The following ELOVL6 variants were observed in gnomAD, a reference collection of about 807,000 sequenced individuals.
The protein encoded by ELOVL6 is ELOVL fatty acid elongase 6.
In ELOVL6, 8 loss-of-function variants were observed where a neutral mutation model predicts 31.7. The observed-to-expected ratio is 0.25, with a 90% CI of 0.15 to 0.45. The LOEUF (loss-of-function observed/expected upper bound fraction) is 0.45. Ranked by LOEUF, ELOVL6 falls within the 20% of genes least tolerant of loss-of-function variation. The probability of loss-of-function intolerance (pLI) is 1.00; values close to 1 mark genes in which losing one functional copy is unlikely to be tolerated. For missense variants in ELOVL6, 126 were observed against 326.4 expected (o/e 0.39, Z 4.73); for synonymous variants, 101 against 117.7 (o/e 0.86, Z 0.92).
At chr4:110,111,487 G>T (rs1324172619) in intron 1 of ELOVL6, among the ~76,000 whole-genome samples, 2 of 148,668 alleles carry the variant, frequency 1.3e-5, no homozygotes, top group African/African-American at 2.5e-5. Context: ...TAAACTCATT[G>T]TATTCCTTTG....
intron 1 of ELOVL6, among the ~76,000 whole-genome samples, chr4:110,163,553 A>G (rs1479245233): frequency 6.6e-6 from 1 of 152,228 alleles, no homozygotes; most frequent in African/African-American, 2.4e-5. Flanking sequence ...GACTGACCGC[A>G]TAGTGTAGCA....
rs553221782 is a variant in ELOVL6, at chr4:110,190,251, C to CT, written c.89+7995dup. Among the ~76,000 whole-genome samples the CT allele has an allele frequency of 4.6e-5, 7 of 151,260 alleles. No individual in the cohort carries two copies. The South Asian group carries it at 8.3e-4, about 18-fold the overall frequency. On this transcript the variant is annotated intron_variant, in intron 1 of 3. Transcript: ENST00000302274. Reference sequence around the variant, plus strand: ...AAGTGTAAGTCTTTTTTCTCCTGTACTTTTTTTTTGTACAAAGTAAAGACT... The same window carrying CT: ...AAGTGTAAGTCTTTTTTCTCCTGTACTTTTTTTTTTGTACAAAGTAAAGACT...
rs1185642088 is a variant in ELOVL6, at chr4:110,084,413, A to G, written c.221+21084T>C. The stretch of plus-strand genomic sequence containing the variant: ...ATATATGATATATGATATATGACAT[A>G]CATGATATATCACATATATCATATA... On this transcript the variant is annotated intron_variant, in intron 2 of 3. Coordinates refer to ENST00000302274, the MANE Select transcript of ELOVL6 (RefSeq NM_024090.3). Among the ~76,000 whole-genome samples, 8 of 88,238 alleles carry G rather than the reference A, an allele frequency of 9.1e-5. 1 individual carries two copies. The highest frequency in any genetic ancestry group is 2.0e-4 in the African/African-American group (5 of 24,770). 57.9% of individuals were successfully genotyped at this position (88,238 alleles called of 152,430 possible). A position where few individuals can be genotyped will look rare whatever the true frequency, so the allele number is the denominator to read the frequency against.
chr4:110,128,737 C>T (rs17041377), intron 1 of ELOVL6, among the ~76,000 whole-genome samples: 1,690 of 152,272 alleles, frequency 0.011, 30 homozygotes, highest in African/African-American at 0.038. Flanking sequence ...TCATTTGTTT[C>T]GGTGCTTATC....
intron 1 of ELOVL6, among the ~76,000 whole-genome samples, chr4:110,187,606 G>C (rs927554214): frequency 2.0e-5 from 3 of 151,434 alleles, no homozygotes; most frequent in Non-Finnish European, 4.4e-5. Context: ...TGAGGCAGGA[G>C]GATCACTTGA....
intron 2 of ELOVL6, among the ~76,000 whole-genome samples, chr4:110,084,735 C>T (rs1756198925): frequency 6.7e-6 from 1 of 150,132 alleles, no homozygotes; most frequent in East Asian, 2.0e-4. Context: ...GCTGGGGCTA[C>T]AGGTGCGTGC....
Position 110,136,706 on chromosome 4 carries a change from T to A in ELOVL6, c.90-31078A>T, listed in dbSNP as rs533646635. On this transcript the variant is annotated intron_variant, in intron 1 of 3. Coordinates refer to ENST00000302274, the MANE Select transcript of ELOVL6 (RefSeq NM_024090.3). ...AAGGTGAGCCATGGTTTTCTGAGTT[T>A]CCTATCACCTTTGTGTTTCAGGTCC... Among the ~76,000 whole-genome samples the A allele has an allele frequency of 2.0e-5, 3 of 152,352 alleles. No individual in the cohort carries two copies. In the East Asian group the frequency reaches 5.8e-4, roughly 29 times the overall value.
intron 1 of ELOVL6, among the ~76,000 whole-genome samples, chr4:110,172,238 A>G (rs1226321882): frequency 6.6e-6 from 1 of 152,162 alleles, no homozygotes; most frequent in African/African-American, 2.4e-5. Flanking sequence ...GAGGACACCC[A>G]GTGGATGTCT....
At chr4:110,192,748 G>A (rs189382257) in intron 1 of ELOVL6, among the ~76,000 whole-genome samples, 7 of 152,084 alleles carry the variant, frequency 4.6e-5, no homozygotes, top group African/African-American at 9.7e-5. Flanking sequence ...CAGATTACAC[G>A]TTTTTTCTCT....
intron 1 of ELOVL6, among the ~76,000 whole-genome samples, chr4:110,161,135 G>A (rs968590641): frequency 2.2e-4 from 33 of 152,108 alleles, no homozygotes; most frequent in African/African-American, 7.9e-4. Context: ...ATAAAAGACT[G>A]GAAAAAAACA....
intron 2 of ELOVL6, among the ~76,000 whole-genome samples, chr4:110,091,386 A>G (rs1001553104): frequency 6.6e-6 from 1 of 152,200 alleles, no homozygotes; most frequent in Non-Finnish European, 1.5e-5. Flanking sequence ...TTTTAACTAT[A>G]TTCCTTTTAA....
intron 1 of ELOVL6, among the ~76,000 whole-genome samples, chr4:110,150,629 A>G (rs940613749): frequency 6.6e-6 from 1 of 152,216 alleles, no homozygotes; most frequent in African/African-American, 2.4e-5. Flanking sequence ...AGAATAATTA[A>G]AACATTATTC....
chr4:110,186,123 G>A (rs1280930125), intron 1 of ELOVL6, among the ~76,000 whole-genome samples: 1 of 152,134 alleles, frequency 6.6e-6, no homozygotes, highest in Non-Finnish European at 1.5e-5. Context: ...CCGGGAAGCG[G>A]AGGTTGCAGT....
chr4:110,198,055 C>A, intron 1 of ELOVL6, 192 bp downstream of exon 1: 1 of 625,432 alleles, frequency 1.6e-6, no homozygotes, highest in Non-Finnish European at 2.8e-6. Context: ...GGGGCACCCA[C>A]AGACCTCGCG....
chr4:110,150,573 C>T (rs1758249867), intron 1 of ELOVL6, among the ~76,000 whole-genome samples: 1 of 152,112 alleles, frequency 6.6e-6, no homozygotes, highest in African/African-American at 2.4e-5. Context: ...GTCAAAAATA[C>T]TCCATTTTTA....
rs533089707 is a variant in ELOVL6 at position 110,124,150 on chromosome 4, A to C, written c.90-18522T>G. On this transcript the variant is annotated intron_variant, in intron 1 of 3. Coordinates refer to ENST00000302274, the MANE Select transcript of ELOVL6 (RefSeq NM_024090.3). ...ATTTATTTAATCTTTCTTCATAAAG[A>C]ATGTGTTTAACCAGAAATACCATTT... 1.1e-4 allele frequency among the ~76,000 whole-genome samples: 17 copies of C among 152,340 alleles called. No individual in the cohort carries two copies. In the East Asian group the frequency reaches 1.3e-3, roughly 12 times the overall value.
chr4:110,120,652 C>T (rs967573714), intron 1 of ELOVL6, among the ~76,000 whole-genome samples: 3 of 151,990 alleles, frequency 2.0e-5, no homozygotes, highest in African/African-American at 4.8e-5. Context: ...ACTGCACTTA[C>T]TATATTCTAG....
At chr4:110,177,001 C>A (rs114419001) in intron 1 of ELOVL6, among the ~76,000 whole-genome samples, 7 of 152,148 alleles carry the variant, frequency 4.6e-5, no homozygotes, top group Non-Finnish European at 8.8e-5. Flanking sequence ...TCCCAAAGTG[C>A]GAGATTACAG....
chr4:110,068,925 C>T (rs532681758), intron 2 of ELOVL6, among the ~76,000 whole-genome samples: 17 of 152,166 alleles, frequency 1.1e-4, no homozygotes, highest in Middle Eastern at 3.4e-3. Context: ...GGAGGATTGC[C>T]TAAGCTCAGG....
Sources: allele counts gnomAD v4.1 joint callset (sites outside exome capture counted in the v4.1 genomes callset), GRCh38; gene constraint gnomAD v4.1.1; transcripts MANE v1.5; gene names NCBI Gene and HGNC (gene_info 2026-07-23, HGNC 2026-07-21).